FAM149B1: variants seen among roughly 807,000 people sequenced by gnomAD.
The protein encoded by FAM149B1 is family with sequence similarity 149 member B1.
In FAM149B1, 56 loss-of-function variants were observed where a neutral mutation model predicts 75.3. The ratio of observed to expected loss-of-function variants is 0.74; its 90% CI spans 0.60 to 0.93. FAM149B1 has a LOEUF of 0.93. Ranked by LOEUF, FAM149B1 falls within the 40% of genes least tolerant of loss-of-function variation. FAM149B1 has a pLI of 0.00. For synonymous variants in FAM149B1, 259 were observed against 256.1 expected, an observed-to-expected ratio of 1.01 and a Z score of -0.11; for missense variants, 639 against 708.4, an observed-to-expected ratio of 0.90 and a Z score of 1.11.
In FAM149B1 at chr10:73,243,428, T is replaced by C. The variant is rs746991590; in HGVS notation, c.*2409T>C. ...TTTCTTTTCTTTCTTGAGAGCAGAT[T>C]TTTTCCCTCCTCCTTTGGAAGATTT... is the stretch of plus-strand genomic sequence containing the variant. On this transcript the variant is annotated 3_prime_UTR_variant, in exon 14 of 14. Transcript: ENST00000242505. 1.2e-6 allele frequency: 2 copies of C among 1,613,878 alleles called. No individual in the cohort carries two copies. The highest frequency in any genetic ancestry group is 1.7e-6 in the Non-Finnish European group (2 of 1,179,936).
intron 12 of FAM149B1, among the ~76,000 whole-genome samples, chr10:73,235,989 A>G (rs1156316760): frequency 6.6e-6 from 1 of 152,090 alleles, no homozygotes; most frequent in African/African-American, 2.4e-5. Context: ...ACCCCACATA[A>G]TCTGCTTTGT....
chr10:73,220,609 C>A (rs2043390044), intron 7 of FAM149B1, among the ~76,000 whole-genome samples: 1 of 152,154 alleles, frequency 6.6e-6, no homozygotes, highest in South Asian at 2.1e-4. Flanking sequence ...GAAACCCTAA[C>A]CCCCAAAGTG....
intron 3 of FAM149B1, among the ~76,000 whole-genome samples, chr10:73,178,982 T>C (rs2133307487): frequency 6.6e-6 from 1 of 152,310 alleles, no homozygotes; most frequent in African/African-American, 2.4e-5. Flanking sequence ...TTTGTTTTTT[T>C]TGGAACGGAG....
intron 5 of FAM149B1, among the ~76,000 whole-genome samples, chr10:73,201,890 A>C (rs550600234): frequency 6.6e-6 from 1 of 152,118 alleles, no homozygotes; most frequent in South Asian, 2.1e-4. Context: ...AGCAGCCAGG[A>C]GCGATGGCTC....
intron 2 of FAM149B1, 61 bp downstream of exon 2, chr10:73,174,852 T>A: frequency 4.0e-6 from 5 of 1,237,878 alleles, no homozygotes; most frequent in Non-Finnish European, 5.8e-6. Context: ...GGTTTTGTTT[T>A]TTGGCTTAAG....
Position 73,243,208 on chromosome 10 carries a change from A to C in FAM149B1, c.*2189A>C, listed in dbSNP as rs1678841281. ...GTTCCTTCAGGTGAGACCTCACACA[A>C]TGTCAAGTGCTTTCTAGGAAATACT... is the stretch of plus-strand genomic sequence containing the variant. On this transcript the variant is annotated 3_prime_UTR_variant, in exon 14 of 14. Coordinates refer to ENST00000242505, the MANE Select transcript of FAM149B1 (RefSeq NM_173348.2). 1.7e-6 allele frequency: 1 copy of C among 598,456 alleles called. No individual in the cohort carries two copies. Among genetic ancestry groups the C allele is most frequent in the Non-Finnish European group, 2.9e-6 (1 of 348,874 alleles). 37.1% of individuals were successfully genotyped at this position (598,456 alleles called of 1,614,324 possible). A position where few individuals can be genotyped will look rare whatever the true frequency, so the allele number is the denominator to read the frequency against.
At chr10:73,219,079 A>T (rs2043354152) in intron 7 of FAM149B1, among the ~76,000 whole-genome samples, 1 of 152,140 alleles carries the variant, frequency 6.6e-6, no homozygotes, top group Admixed American at 6.6e-5. Flanking sequence ...CAATTTATGC[A>T]TTTTTTATCA....
intron 9 of FAM149B1, 80 bp from the exon 10 acceptor site, chr10:73,232,859 A>G (rs2043737538): frequency 1.2e-6 from 1 of 848,122 alleles, no homozygotes. Flanking sequence ...TTTCTAGTCT[A>G]AGGCTTTTTA....
At chr10:73,207,818 A>G (rs2043101770) in intron 5 of FAM149B1, among the ~76,000 whole-genome samples, 1 of 152,150 alleles carries the variant, frequency 6.6e-6, no homozygotes, top group South Asian at 2.1e-4. Context: ...TCTAACGCCT[A>G]TACTCCCATT....
intron 7 of FAM149B1, among the ~76,000 whole-genome samples, chr10:73,223,294 T>A (rs943072497): frequency 6.6e-6 from 1 of 152,218 alleles, no homozygotes; most frequent in African/African-American, 2.4e-5. Context: ...TAAAATTTTG[T>A]AAGAATGGAT....
chr10:73,190,431 T>C (rs2042654120), intron 3 of FAM149B1, among the ~76,000 whole-genome samples: 1 of 151,788 alleles, frequency 6.6e-6, no homozygotes, highest in South Asian at 2.1e-4. Flanking sequence ...TGCTTCCTGA[T>C]TGATTCACTG....
At chr10:73,188,706 C>CA (rs1183187785) in intron 3 of FAM149B1, among the ~76,000 whole-genome samples, 1 of 134,468 alleles carries the variant, frequency 7.4e-6, no homozygotes, top group Non-Finnish European at 1.5e-5. Context: ...GCCTGGGCGA[C>CA]AGAGAGAGAC....
chr10:73,182,338 C>T (rs1168587618), intron 3 of FAM149B1, among the ~76,000 whole-genome samples: 2 of 151,932 alleles, frequency 1.3e-5, no homozygotes, highest in Non-Finnish European at 2.9e-5. Context: ...CCTCAGCCTC[C>T]TGAGTAGCTG....
chr10:73,205,362 C>T (rs2043032678), intron 5 of FAM149B1, among the ~76,000 whole-genome samples: 1 of 151,914 alleles, frequency 6.6e-6, no homozygotes, highest in African/African-American at 2.4e-5. Flanking sequence ...TGTCTTTCTT[C>T]TGCTCTGGTC....
At chr10:73,182,211 CTTTTTTT>C (rs1193905747) in intron 3 of FAM149B1, among the ~76,000 whole-genome samples, 3 of 109,396 alleles carry the variant, frequency 2.7e-5, no homozygotes, top group South Asian at 3.2e-4. Flanking sequence ...CAGTCTGTGT[CTTTTTTT>C]TTTTTTTTTT....
intron 7 of FAM149B1, among the ~76,000 whole-genome samples, chr10:73,211,227 C>T (rs1434393803): frequency 1.3e-5 from 2 of 152,152 alleles, no homozygotes; most frequent in Admixed American, 6.5e-5. Flanking sequence ...CTGATTAACT[C>T]GACCTTCAGC....
chr10:73,223,731 TA>T (rs2043470655), intron 7 of FAM149B1, among the ~76,000 whole-genome samples: 1 of 123,388 alleles, frequency 8.1e-6, no homozygotes, highest in East Asian at 2.1e-4. Flanking sequence ...GTATGTGTGT[TA>T]GGTTTTTTTT....
chr10:73,169,345 T>TA (rs983054246), intron 1 of FAM149B1, among the ~76,000 whole-genome samples: 7 of 150,672 alleles, frequency 4.6e-5, no homozygotes, highest in African/African-American at 9.8e-5. Context: ...AAATAAATAA[T>TA]AAAAAAATAA....
chr10:73,195,402 G>A (rs9415078), intron 5 of FAM149B1, among the ~76,000 whole-genome samples: 2,290 of 152,148 alleles, frequency 0.015, 24 homozygotes, highest in Non-Finnish European at 0.024. Flanking sequence ...GTATTATATC[G>A]ATAAGTTTAC....
Sources: allele counts gnomAD v4.1 joint callset (sites outside exome capture counted in the v4.1 genomes callset), GRCh38; gene constraint gnomAD v4.1.1; transcripts MANE v1.5; gene names NCBI Gene and HGNC (gene_info 2026-07-23, HGNC 2026-07-21).